Variants in XKR6 observed in about 807,000 individuals in gnomAD.
The protein encoded by XKR6 is XK related 6.
XKR6 carries 22 observed loss-of-function variants against 56.7 expected under a neutral mutation model. That is an observed-to-expected ratio of 0.39 (90% CI 0.28 to 0.55). XKR6 has a LOEUF of 0.55. Among genes scored for constraint, XKR6 ranks in the 20% least tolerant of loss-of-function variants. The pLI is 0.66. For missense variants in XKR6, 852 were observed against 889.0 expected (o/e 0.96, Z 0.53); for synonymous variants, 524 against 387.8 (o/e 1.35, Z -4.13).
At chr8:10,919,856 TTTAC>T (rs1800662783) in intron 2 of XKR6, among the ~76,000 whole-genome samples, 1 of 152,092 alleles carries the variant, frequency 6.6e-6, no homozygotes, top group Non-Finnish European at 1.5e-5. Flanking sequence ...TGTTCTTCTG[TTTAC>T]TTAAACTTTC....
At chr8:11,129,477 G>A (rs1481304371) in intron 1 of XKR6, among the ~76,000 whole-genome samples, 1 of 152,102 alleles carries the variant, frequency 6.6e-6, no homozygotes, top group African/African-American at 2.4e-5. Flanking sequence ...ATCAAACAGT[G>A]GAGAGCTGCT....
At chr8:10,935,560 C>T (rs1470576517) in intron 1 of XKR6, among the ~76,000 whole-genome samples, 11 of 148,652 alleles carry the variant, frequency 7.4e-5, no homozygotes, top group Non-Finnish European at 1.5e-4. Flanking sequence ...TCCCTCTACA[C>T]ACTGCTTTGA....
At chr8:10,922,082 G>C (rs548340905) in intron 2 of XKR6, among the ~76,000 whole-genome samples, 1 of 152,362 alleles carries the variant, frequency 6.6e-6, no homozygotes, top group East Asian at 1.9e-4. Flanking sequence ...GCCCTCATTA[G>C]GCAGCTGAAC....
chr8:10,965,846 G>T (rs1348679414), intron 1 of XKR6, among the ~76,000 whole-genome samples: 1 of 152,226 alleles, frequency 6.6e-6, no homozygotes, highest in Non-Finnish European at 1.5e-5. Flanking sequence ...CATCTGGCCC[G>T]GGCCGAGTCC....
At position 11,200,426 on chromosome 8, in the gene XKR6, G is replaced by C; in HGVS notation, c.764+150C>G. The stretch of plus-strand genomic sequence containing the variant: ...GGCCAGGGATCCAGATCAAACGCCG[G>C]TCTTTTGGAGACGCCAGGGGCGGCG... On this transcript the variant is annotated intron_variant, in intron 1 of 2. Transcript: ENST00000416569. The surrounding 1 kb of genome is among the most constrained non-coding windows in gnomAD (Gnocchi z 6.4). 9.1e-7 allele frequency: 1 copy of C among 1,097,906 alleles called. No individual in the cohort carries two copies. The highest frequency in any genetic ancestry group is 2.5e-5 in the South Asian group (1 of 39,868). The allele number at this position is 1,097,906 out of a possible 1,614,324, so 68.0% of individuals were successfully genotyped here.
chr8:11,097,711 G>C (rs1186068884), intron 1 of XKR6, among the ~76,000 whole-genome samples: 1 of 149,844 alleles, frequency 6.7e-6, no homozygotes, highest in Non-Finnish European at 1.5e-5. Flanking sequence ...GGAGGCTGAG[G>C]CAGCAGAATC....
rs373887798 is a variant in XKR6 at position 10,898,213 on chromosome 8, C to T, written c.1665G>A (p.Thr555=). ...RAVTEQQEDL[T]ADTCLPVFQV... ...GGAAAACAGGCAAGCAAGTGTCAGC[C>T]GTGAGATCCTCCTGTTGTTCCGTTA... Residue 555 remains threonine (T), a synonymous_variant, in exon 3 of 3, where the codon ACG becomes ACA. Coordinates refer to ENST00000416569, the MANE Select transcript of XKR6 (RefSeq NM_173683.4). This position sits in a 1 kb window ranked among gnomAD's most constrained non-coding sequence, Gnocchi z 6.6. The T allele has an allele frequency of 8.1e-5, 130 of 1,614,094 alleles. No homozygotes were observed. The highest frequency in any genetic ancestry group is 9.1e-5 in the Non-Finnish European group (107 of 1,180,014).
chr8:10,905,765 A>C (rs568121640), intron 2 of XKR6, among the ~76,000 whole-genome samples: 1 of 152,204 alleles, frequency 6.6e-6, no homozygotes, highest in South Asian at 2.1e-4. Context: ...GTCCTTTTAG[A>C]CAGCAATTCT....
chr8:11,056,133 G>A (rs1173118001), intron 1 of XKR6, among the ~76,000 whole-genome samples: 7 of 152,154 alleles, frequency 4.6e-5, no homozygotes, highest in Non-Finnish European at 1.0e-4. Context: ...TGGGGCTGGG[G>A]AGCTTCCTCC....
At chr8:10,949,075 A>C (rs1246937948) in intron 1 of XKR6, among the ~76,000 whole-genome samples, 1 of 151,778 alleles carries the variant, frequency 6.6e-6, no homozygotes, top group African/African-American at 2.4e-5. Context: ...CCTGTCAATG[A>C]CTCCACATGC....
chr8:11,199,799 A>G (rs1196705934), intron 1 of XKR6, among the ~76,000 whole-genome samples: 1 of 152,196 alleles, frequency 6.6e-6, no homozygotes, highest in African/African-American at 2.4e-5. Flanking sequence ...GTGTAAATAT[A>G]AATCACTTAC....
At chr8:11,031,392 A>G (rs1798990050) in intron 1 of XKR6, among the ~76,000 whole-genome samples, 1 of 152,124 alleles carries the variant, frequency 6.6e-6, no homozygotes, top group Non-Finnish European at 1.5e-5. Flanking sequence ...CTAGAAGGAG[A>G]GTAAGCAATA....
intron 1 of XKR6, among the ~76,000 whole-genome samples, chr8:11,192,199 C>A (rs1803618674): frequency 6.6e-6 from 1 of 151,874 alleles, no homozygotes; most frequent in Non-Finnish European, 1.5e-5. Flanking sequence ...CGCTCTGTCA[C>A]TGAGGCTGCA....
intron 1 of XKR6, among the ~76,000 whole-genome samples, chr8:11,154,616 G>A (rs1000824614): frequency 6.6e-6 from 1 of 152,214 alleles, no homozygotes; most frequent in Non-Finnish European, 1.5e-5. Flanking sequence ...AGAAGTGAGA[G>A]TAGTCTTGGA....
chr8:10,942,702 G>C (rs1319752791), intron 1 of XKR6, among the ~76,000 whole-genome samples: 1 of 152,180 alleles, frequency 6.6e-6, no homozygotes, highest in African/African-American at 2.4e-5. Context: ...GGCTAAGCTA[G>C]TTGCCGCCAA....
chr8:10,900,376 C>T (rs1461137143), intron 2 of XKR6, among the ~76,000 whole-genome samples: 2 of 152,228 alleles, frequency 1.3e-5, no homozygotes, highest in Non-Finnish European at 2.9e-5. Flanking sequence ...GAGTTCTCTG[C>T]CACGTGACAC....
intron 2 of XKR6, among the ~76,000 whole-genome samples, chr8:10,905,992 A>G (rs1260743759): frequency 2.6e-5 from 4 of 152,186 alleles, no homozygotes; most frequent in Non-Finnish European, 5.9e-5. Flanking sequence ...AGGGAAGAAA[A>G]CAAGCATCCT....
chr8:11,043,359 G>A (rs1397046419), intron 1 of XKR6, among the ~76,000 whole-genome samples: 3 of 152,122 alleles, frequency 2.0e-5, no homozygotes, highest in Admixed American at 6.5e-5. Flanking sequence ...ATGGCTGCAA[G>A]TCTAGGAAAT....
At chr8:10,949,690 G>C (rs1801660869) in intron 1 of XKR6, among the ~76,000 whole-genome samples, 1 of 152,228 alleles carries the variant, frequency 6.6e-6, no homozygotes, top group African/African-American at 2.4e-5. Flanking sequence ...GCACCATTAA[G>C]TAACTCATCC....
Sources: gnomAD v4.1 joint callset for allele counts (sites outside exome capture counted in the v4.1 genomes callset) on GRCh38, gnomAD v4.1.1 for gene constraint, Gnocchi (gnomAD v3.1) non-coding constraint, MANE v1.5 for transcripts, NCBI Gene and HGNC (gene_info 2026-07-23, HGNC 2026-07-21) for gene names.